COQ5: variants seen among roughly 807,000 people sequenced by gnomAD.
COQ5 encodes the protein coenzyme Q5, methyltransferase, also known as 2-methoxy-6-polyprenyl-1,4-benzoquinol methylase, mitochondrial.
Under a neutral mutation model 40.5 loss-of-function variants are expected in COQ5, and 27 were observed. The observed-to-expected ratio is 0.67, with a 90% CI of 0.49 to 0.92. COQ5 has a LOEUF of 0.92. Among genes scored for constraint, COQ5 ranks in the 40% least tolerant of loss-of-function variants. The pLI, the probability that COQ5 is intolerant of heterozygous loss-of-function variation, is 0.00. For synonymous variants in COQ5, 141 were observed against 150.0 expected, an observed-to-expected ratio of 0.94 and a Z score of 0.44; for missense variants, 409 against 406.4, an observed-to-expected ratio of 1.01 and a Z score of -0.06.
At chr12:120,515,341 C>T (rs1489928870) in intron 3 of COQ5, among the ~76,000 whole-genome samples, 1 of 152,106 alleles carries the variant, frequency 6.6e-6, no homozygotes. Context: ...CCTTCACCCT[C>T]AGCGTTCCAA....
intron 1 of COQ5, 123 bp from the exon 2 acceptor site, chr12:120,522,486 C>A: frequency 1.1e-6 from 1 of 876,758 alleles, no homozygotes; most frequent in Non-Finnish European, 1.9e-6. Flanking sequence ...GAAACTAAGT[C>A]GTAATGCTTG....
intron 3 of COQ5, among the ~76,000 whole-genome samples, chr12:120,516,029 TCCTCCTATTGTGGCCTCC>T (rs1437012978): frequency 6.6e-6 from 1 of 152,174 alleles, no homozygotes; most frequent in African/African-American, 2.4e-5. Flanking sequence ...GCTCAAGTAA[TCCTCCTATTGTGGCCTCC>T]CAAAGTTCTG....
rs754026401 is a variant in COQ5, at chr12:120,529,108, A to C, written c.34T>G (p.Tyr12Asp). 2 of 1,614,028 alleles carry C rather than the reference A, an allele frequency of 1.2e-6. No homozygotes were observed. The highest frequency in any genetic ancestry group is 4.5e-5 in the East Asian group (2 of 44,864). Residue 12 changes from tyrosine to aspartate, a missense_variant, in exon 1 of 7, where the codon TAT becomes GAT. Physicochemically the swap from Tyr to Asp is radical, Grantham distance 160 (BLOSUM62 -3). Coordinates refer to ENST00000288532, the MANE Select transcript of COQ5 (RefSeq NM_032314.4). ...AAPGSCALWS[Y>D]CGRGWSRAMR... is the part of the protein sequence containing the mutation. ...GCCCGCGACCACCCACGGCCGCAAT[A>C]GCTCCATAGAGCACAGCTCCCGGGG...
chr12:120,504,775 G>T, intron 5 of COQ5, 120 bp downstream of exon 5: 1 of 849,606 alleles, frequency 1.2e-6, no homozygotes, highest in South Asian at 1.4e-5. Flanking sequence ...AGAACTGGCT[G>T]ACCTCTGGTA....
intron 3 of COQ5, among the ~76,000 whole-genome samples, chr12:120,514,720 GC>G (rs1869300635): frequency 6.6e-6 from 1 of 151,000 alleles, no homozygotes; most frequent in Non-Finnish European, 1.5e-5. Context: ...TCCATCCTGG[GC>G]AACAGGGCAA....
chr12:120,514,940 G>A (rs1869315133), intron 3 of COQ5, among the ~76,000 whole-genome samples: 2 of 151,926 alleles, frequency 1.3e-5, no homozygotes, highest in South Asian at 4.1e-4. Flanking sequence ...TTACAGGCAT[G>A]TGTCACCACA....
rs1346896884 is a variant in COQ5 at position 120,529,121 on chromosome 12, A to G, written c.21T>C (p.Cys7=). MAAPGS[C]ALWSYCGRGW... ...CACGGCCGCAATAGCTCCATAGAGC[A>G]CAGCTCCCGGGGGCCGCCATCTTGG... The change falls in exon 1 of 7, where the codon TGT becomes TGC. Residue 7 remains cysteine, a synonymous_variant. Coordinates refer to ENST00000288532, the MANE Select transcript of COQ5 (RefSeq NM_032314.4). 3 of 1,613,876 alleles carry G rather than the reference A, an allele frequency of 1.9e-6. No individual in the cohort carries two copies. The highest frequency in any genetic ancestry group is 1.7e-6 in the Non-Finnish European group (2 of 1,179,886).
chr12:120,515,397 AT>A lies in COQ5; in HGVS notation c.574+1169del, dbSNP rs200476164. ...GAGCCACCTCGCTGCCACAATTTACATTTTTAAGCTAGCACACAAATCATCC... is the reference window on the plus strand; with the variant it reads ...GAGCCACCTCGCTGCCACAATTTACATTTTAAGCTAGCACACAAATCATCC... On this transcript the variant is annotated intron_variant, in intron 3 of 6. Transcript: ENST00000288532. Among the ~76,000 whole-genome samples, 203 of 152,248 alleles carry A rather than the reference AT, an allele frequency of 1.3e-3. 1 individual carries two copies. Among genetic ancestry groups the A allele is most frequent in the East Asian group, 9.5e-3 (49 of 5,178 alleles).
chr12:120,512,324 CG>C (rs1469906393), intron 3 of COQ5, among the ~76,000 whole-genome samples: 7 of 152,112 alleles, frequency 4.6e-5, no homozygotes, highest in African/African-American at 1.7e-4. Context: ...AATTGTAGGA[CG>C]GGCGCGGTGG....
intron 2 of COQ5, among the ~76,000 whole-genome samples, chr12:120,518,647 C>G (rs2673622): frequency 1.3e-5 from 2 of 151,914 alleles, no homozygotes; most frequent in Non-Finnish European, 2.9e-5. Context: ...TCACTGCAAC[C>G]TCCGCTTCCC....
intron 2 of COQ5, among the ~76,000 whole-genome samples, chr12:120,520,498 G>T (rs868164102): frequency 6.6e-6 from 1 of 151,866 alleles, no homozygotes. Context: ...ACCAATTTTT[G>T]TATTTTTAGT....
At chr12:120,521,902 C>T (rs576486257) in intron 2 of COQ5, among the ~76,000 whole-genome samples, 1 of 151,814 alleles carries the variant, frequency 6.6e-6, no homozygotes, top group East Asian at 1.9e-4. Context: ...GAGGCTGAGG[C>T]AGGAGAATTG....
chr12:120,504,792 A>C (rs1461076105), intron 5 of COQ5, 103 bp downstream of exon 5: 4 of 986,668 alleles, frequency 4.1e-6, no homozygotes, highest in Non-Finnish European at 1.6e-6. Flanking sequence ...GGTACTCTGA[A>C]CTACAAAGTT....
At chr12:120,525,491 C>G (rs1869893248) in intron 1 of COQ5, among the ~76,000 whole-genome samples, 1 of 152,150 alleles carries the variant, frequency 6.6e-6, no homozygotes, top group Non-Finnish European at 1.5e-5. Context: ...TGGCACACAC[C>G]TGGAGTGCCA....
chr12:120,522,183 T>C, intron 2 of COQ5, 31 bp downstream of exon 2: 1 of 1,613,264 alleles, frequency 6.2e-7, no homozygotes, highest in Non-Finnish European at 8.5e-7. Flanking sequence ...ACATGCTCAA[T>C]GGTAGTGAAG....
chr12:120,522,940 T>C, intron 1 of COQ5: 3 of 635,522 alleles, frequency 4.7e-6, no homozygotes, highest in Admixed American at 4.7e-5. Flanking sequence ...CTGGCACTGT[T>C]GGCCTGCATC....
rs771823957 is a variant in COQ5, at chr12:120,503,719, A to G, written c.*65T>C. The G allele has an allele frequency of 4.9e-6, 6 of 1,216,158 alleles. No homozygotes were observed. The highest frequency in any genetic ancestry group is 6.1e-6 in the Non-Finnish European group (5 of 821,562). 75.3% of individuals were successfully genotyped at this position (1,216,158 alleles called of 1,614,324 possible). On this transcript the variant is annotated 3_prime_UTR_variant, in exon 7 of 7. Transcript: ENST00000288532. ...GCTCTGCTGCTGTCTCATTTGCCAG[A>G]TTATCCTTCAGTTCCAGGCTTTCAA... is the stretch of plus-strand genomic sequence containing the variant.
rs1246453039 is a variant in COQ5, at chr12:120,522,194, G to A, written c.352+20C>T. The A allele has an allele frequency of 1.2e-6, 2 of 1,613,930 alleles. No homozygotes were observed. The highest frequency in any genetic ancestry group is 1.7e-6 in the Non-Finnish European group (2 of 1,179,856). ...TAAAACATGCTCAATGGTAGTGAAG[G>A]ATACCAAACTCGACATTACCTGTGC... is the stretch of plus-strand genomic sequence containing the variant. On this transcript the variant is annotated intron_variant, in intron 2 of 6. Coordinates refer to ENST00000288532, the MANE Select transcript of COQ5 (RefSeq NM_032314.4).
intron 2 of COQ5, among the ~76,000 whole-genome samples, chr12:120,521,612 T>C (rs529746386): frequency 3.5e-5 from 5 of 142,266 alleles, no homozygotes; most frequent in Admixed American, 2.9e-4. Flanking sequence ...GAGGTGGAGG[T>C]TGCAGTGGAG....
Sources: allele counts gnomAD v4.1 joint callset (sites outside exome capture counted in the v4.1 genomes callset), GRCh38; gene constraint gnomAD v4.1.1; transcripts MANE v1.5; gene names NCBI Gene and HGNC (gene_info 2026-07-23, HGNC 2026-07-21).